Variants in PHACTR2 observed in about 807,000 individuals in gnomAD.
PHACTR2 encodes phosphatase and actin regulator 2.
Under a neutral mutation model 76.0 loss-of-function variants are expected in PHACTR2, and 30 were observed. The ratio of observed to expected loss-of-function variants is 0.39; its 90% CI spans 0.30 to 0.54. The LOEUF (loss-of-function observed/expected upper bound fraction) is 0.54. Among genes scored for constraint, PHACTR2 ranks in the 20% least tolerant of loss-of-function variants. PHACTR2 has a pLI of 0.61. For missense variants in PHACTR2, 696 were observed against 781.1 expected, an observed-to-expected ratio of 0.89 and a Z score of 1.30; for synonymous variants, 292 against 292.5, an observed-to-expected ratio of 1.00 and a Z score of 0.02.
At chr6:143,588,698 A>G in intron 1 of PHACTR2, among the ~76,000 whole-genome samples, 1 of 152,224 alleles carries the variant, frequency 6.6e-6, no homozygotes, top group African/African-American at 2.4e-5. Flanking sequence ...GATGAAAATG[A>G]CACACCTGGG....
At chr6:143,574,577 C>T (rs1427519282) in intron 1 of PHACTR2, among the ~76,000 whole-genome samples, 1 of 151,718 alleles carries the variant, frequency 6.6e-6, no homozygotes, top group Non-Finnish European at 1.5e-5. Context: ...CTTGAAATTT[C>T]TTCTTATGAT....
chr6:143,555,361 T>C (rs1178590793), intron 1 of PHACTR2: 2 of 152,208 alleles, frequency 1.3e-5, no homozygotes, highest in Non-Finnish European at 2.9e-5. Context: ...CACATTTCTA[T>C]TGTGGTTGCT....
At chr6:143,799,688 G>A (rs1347677310) in intron 11 of PHACTR2, among the ~76,000 whole-genome samples, 1 of 152,196 alleles carries the variant, frequency 6.6e-6, no homozygotes, top group Admixed American at 6.5e-5. Context: ...CCACGTAGCT[G>A]TGCGGTTTTG....
chr6:143,611,653 C>A lies in PHACTR2; in HGVS notation c.13+3331C>A, dbSNP rs573230386. On this transcript the variant is annotated intron_variant, in intron 1 of 11. Coordinates refer to the PHACTR2 transcript ENST00000305766. The surrounding 1 kb of genome is among the most constrained non-coding windows in gnomAD (Gnocchi z 4.4). ...ACAATGGCTGGCATATGGCAGCATACAATGCATGTTGGCGTTTTAGAGAGT... is the reference window on the plus strand; with the variant it reads ...ACAATGGCTGGCATATGGCAGCATAAAATGCATGTTGGCGTTTTAGAGAGT... Among the ~76,000 whole-genome samples, 1 of 152,192 alleles carries A rather than the reference C, an allele frequency of 6.6e-6. No homozygotes were observed. Among genetic ancestry groups the A allele is most frequent in the Non-Finnish European group, 1.5e-5 (1 of 68,040 alleles).
In PHACTR2 at chr6:143,571,719, C is replaced by CCA. The variant is rs1775448592; in HGVS notation, c.217+34512_217+34513insCA. Reference sequence around the variant, plus strand: ...TTTACTCCTGTGTCCATTTGCCATGCTCCCATCATTAAAAAAATCATTTCC... The same window carrying CCA: ...TTTACTCCTGTGTCCATTTGCCATGCCATCCCATCATTAAAAAAATCATTTCC... On this transcript the variant is annotated intron_variant, in intron 1 of 11. Transcript: ENST00000367584. The surrounding 1 kb of genome is among the most constrained non-coding windows in gnomAD (Gnocchi z 4.6). 6.6e-6 allele frequency among the ~76,000 whole-genome samples: 1 copy of CCA among 152,136 alleles called. No homozygotes were observed. The highest frequency in any genetic ancestry group is 2.4e-5 in the African/African-American group (1 of 41,398).
At chr6:143,771,560 C>A (rs950318690) in intron 6 of PHACTR2, among the ~76,000 whole-genome samples, 1 of 151,790 alleles carries the variant, frequency 6.6e-6, no homozygotes, top group African/African-American at 2.4e-5. Flanking sequence ...CCTCAGCCTC[C>A]CGAGTAGTTG....
At chr6:143,724,176 C>A (rs947225283) in intron 2 of PHACTR2, among the ~76,000 whole-genome samples, 2 of 152,016 alleles carry the variant, frequency 1.3e-5, no homozygotes, top group Non-Finnish European at 2.9e-5. Context: ...CACTCTGTCA[C>A]CCAGGCTGGA....
At chr6:143,642,535 T>C (rs1043580335) in intron 1 of PHACTR2, among the ~76,000 whole-genome samples, 1 of 152,180 alleles carries the variant, frequency 6.6e-6, no homozygotes, top group African/African-American at 2.4e-5. Flanking sequence ...CAGCCTTGCA[T>C]GTTGAAGTCC....
At chr6:143,785,812 C>T (rs1775544251) in intron 10 of PHACTR2, among the ~76,000 whole-genome samples, 1 of 152,252 alleles carries the variant, frequency 6.6e-6, no homozygotes, top group Non-Finnish European at 1.5e-5. Context: ...TCTACATTTG[C>T]CCCTTTCAGC....
In PHACTR2 at chr6:143,558,429, T is replaced by A. The variant is rs1294482677; in HGVS notation, c.217+21222T>A. On this transcript the variant is annotated intron_variant, in intron 1 of 11. Coordinates refer to the PHACTR2 transcript ENST00000367584. The surrounding 1 kb of genome is among the most constrained non-coding windows in gnomAD (Gnocchi z 4.7). ...CCCGTTACTATGTAAACATGTCCTA[T>A]TTGCATTAGAAATATTAAATTTCTA... Among the ~76,000 whole-genome samples the A allele has an allele frequency of 2.0e-5, 3 of 152,174 alleles. No homozygotes were observed. The East Asian group carries it at 5.8e-4, about 29-fold the overall frequency.
rs1562306486 is a variant in PHACTR2 at position 143,784,738 on chromosome 6, C to G, written c.1707+1458C>G. Among the ~76,000 whole-genome samples, 1 of 152,100 alleles carries G rather than the reference C, an allele frequency of 6.6e-6. No individual in the cohort carries two copies. The highest frequency in any genetic ancestry group is 1.5e-5 in the Non-Finnish European group (1 of 68,020). Reference sequence around the variant, plus strand: ...TATAGTTCCACATGGCTGGGGAGGCCTCAGAATCATGGCAGGAGGCAAAAG... The same window carrying G: ...TATAGTTCCACATGGCTGGGGAGGCGTCAGAATCATGGCAGGAGGCAAAAG... On this transcript the variant is annotated intron_variant, in intron 10 of 12. Transcript: ENST00000440869. The surrounding 1 kb of genome is among the most constrained non-coding windows in gnomAD (Gnocchi z 4.5).
chr6:143,746,049 A>G (rs1779058212), intron 2 of PHACTR2, among the ~76,000 whole-genome samples: 1 of 152,262 alleles, frequency 6.6e-6, no homozygotes, highest in Non-Finnish European at 1.5e-5. Flanking sequence ...GAAAGGCAGA[A>G]TAAGAAACCT....
chr6:143,695,968 G>A lies in PHACTR2; in HGVS notation c.47-16048G>A, dbSNP rs13214196. Among the ~76,000 whole-genome samples, 31,369 of 152,162 alleles carry A rather than the reference G, an allele frequency of 0.21. 3,324 individuals are homozygous for A. The highest frequency in any genetic ancestry group is 0.29 in the Middle Eastern group (84 of 294). On this transcript the variant is annotated intron_variant, in intron 1 of 12. Transcript: ENST00000440869. The surrounding 1 kb of genome is among the most constrained non-coding windows in gnomAD (Gnocchi z 4.4). ...TCAGTTTCACCTTGATTTACTAAGC[G>A]TTGTATTAATCAAGTAAGCAACTGG...
rs1211305459 is a variant in PHACTR2, at chr6:143,688,244, C to T, written c.46+10035C>T. ...TGCCTCCGGAGATGAGTTGGCCTGC[C>T]GCATGCAGTATAGATTTCATGGGGA... is the stretch of plus-strand genomic sequence containing the variant. On this transcript the variant is annotated intron_variant, in intron 1 of 12. Transcript: ENST00000440869. This position sits in a 1 kb window ranked among gnomAD's most constrained non-coding sequence, Gnocchi z 5.2. 6.6e-6 allele frequency among the ~76,000 whole-genome samples: 1 copy of T among 151,686 alleles called. No individual in the cohort carries two copies. Among genetic ancestry groups the T allele is most frequent in the South Asian group, 2.1e-4 (1 of 4,792 alleles).
chr6:143,792,918 A>G (rs1163411901), intron 11 of PHACTR2, among the ~76,000 whole-genome samples: 1 of 152,250 alleles, frequency 6.6e-6, no homozygotes, highest in Non-Finnish European at 1.5e-5. Flanking sequence ...GTAACAGGCA[A>G]ATCATAAGAC....
intron 1 of PHACTR2, among the ~76,000 whole-genome samples, chr6:143,615,975 A>G (rs1208041672): frequency 1.3e-5 from 2 of 152,232 alleles, no homozygotes; most frequent in Non-Finnish European, 2.9e-5. Flanking sequence ...ACAGTGAAAC[A>G]ATAATCTCAT....
intron 1 of PHACTR2, among the ~76,000 whole-genome samples, chr6:143,668,513 T>C (rs1777087500): frequency 6.6e-6 from 1 of 152,192 alleles, no homozygotes. Context: ...CTGGGCTGTT[T>C]TTTGGTTGGT....
At chr6:143,797,908 A>G (rs879679702) in intron 11 of PHACTR2, among the ~76,000 whole-genome samples, 3 of 152,130 alleles carry the variant, frequency 2.0e-5, no homozygotes, top group African/African-American at 7.2e-5. Context: ...TATGAGGTTT[A>G]AAGTAGTTTT....
chr6:143,823,039 A>G lies in PHACTR2; in HGVS notation c.1923-635A>G, dbSNP rs1196867253. On this transcript the variant is annotated intron_variant, in intron 12 of 12. Transcript: ENST00000440869. This position sits in a 1 kb window ranked among gnomAD's most constrained non-coding sequence, Gnocchi z 5.7. ...AATGCTGGATGAGGGAGAGAAATGA[A>G]TTGCTAATCTGAGGTTTCTAGACCA... 6.6e-6 allele frequency among the ~76,000 whole-genome samples: 1 copy of G among 152,226 alleles called. No homozygotes were observed. Among genetic ancestry groups the G allele is most frequent in the Non-Finnish European group, 1.5e-5 (1 of 68,032 alleles).
Sources: allele counts gnomAD v4.1 joint callset (sites outside exome capture counted in the v4.1 genomes callset), GRCh38; gene constraint gnomAD v4.1.1; non-coding constraint Gnocchi (gnomAD v3.1); transcripts MANE v1.5; gene names NCBI Gene and HGNC (gene_info 2026-07-23, HGNC 2026-07-21).